Variants in MBD5 observed in about 807,000 individuals in gnomAD.
MBD5 encodes methyl-CpG-binding domain protein 5.
In MBD5, 13 loss-of-function variants were observed where a neutral mutation model predicts 117.3. The observed-to-expected ratio is 0.11, with a 90% CI of 0.07 to 0.18. MBD5 has a LOEUF of 0.18. MBD5 is among the 10% of genes least tolerant of loss of function. MBD5 has a pLI of 1.00. For missense variants in MBD5, 1,879 were observed against 2,093.8 expected (o/e 0.90, Z 2.00); for synonymous variants, 727 against 766.4 (o/e 0.95, Z 0.85).
At chr2:148,438,546 T>G (rs139002640) in intron 4 of MBD5, among the ~76,000 whole-genome samples, 4 of 152,324 alleles carry the variant, frequency 2.6e-5, no homozygotes, top group African/African-American at 9.6e-5. Flanking sequence ...AGGAAGGATA[T>G]TTGGCTTCTT....
intron 11 of MBD5, 178 bp from the exon 12 acceptor site, chr2:148,502,258 T>C: frequency 1.5e-6 from 1 of 649,208 alleles, no homozygotes; most frequent in Admixed American, 2.6e-5. Context: ...TGCTGCAGCC[T>C]GGAGCCACAG....
intron 1 of MBD5, among the ~76,000 whole-genome samples, chr2:148,063,899 C>CTA (rs1388959596): frequency 6.6e-6 from 1 of 151,940 alleles, no homozygotes; most frequent in Non-Finnish European, 1.5e-5. Flanking sequence ...AATCACGTGC[C>CTA]TATATTGAGT....
rs10174213 is a variant in MBD5 at position 148,097,123 on chromosome 2, G to A, written c.-925+75439G>A. Among the ~76,000 whole-genome samples, 1,508 of 152,142 alleles carry A rather than the reference G, an allele frequency of 9.9e-3. 28 individuals are homozygous for A. The highest frequency in any genetic ancestry group is 0.034 in the African/African-American group (1,430 of 41,500). ...TGATATTTATGATAAATTTATAACA[G>A]CAAAGGTATATGTTTATGTTAAGTG... is the stretch of plus-strand genomic sequence containing the variant. On this transcript the variant is annotated intron_variant, in intron 1 of 13. Transcript: ENST00000642680.
chr2:148,227,551 G>A (rs1699864345), intron 2 of MBD5, among the ~76,000 whole-genome samples: 1 of 152,176 alleles, frequency 6.6e-6, no homozygotes, highest in South Asian at 2.1e-4. Flanking sequence ...GTAGCATGAT[G>A]CCTCCAGCTT....
At chr2:148,089,932 A>G (rs1046281915) in intron 1 of MBD5, among the ~76,000 whole-genome samples, 2 of 152,142 alleles carry the variant, frequency 1.3e-5, no homozygotes, top group East Asian at 1.9e-4. Flanking sequence ...AACAAAATTG[A>G]TAGACCATTA....
At chr2:148,148,544 G>A (rs974641223) in intron 1 of MBD5, among the ~76,000 whole-genome samples, 3 of 152,164 alleles carry the variant, frequency 2.0e-5, no homozygotes, top group African/African-American at 2.4e-5. Flanking sequence ...TTACCTCAAA[G>A]TTTCTAATTC....
At chr2:148,059,363 A>T (rs1694963387) in intron 1 of MBD5, among the ~76,000 whole-genome samples, 1 of 152,184 alleles carries the variant, frequency 6.6e-6, no homozygotes, top group African/African-American at 2.4e-5. Context: ...TTGTACTGGT[A>T]ACCCGTAAAG....
chr2:148,318,157 G>T (rs553565020), intron 3 of MBD5, among the ~76,000 whole-genome samples: 2 of 152,258 alleles, frequency 1.3e-5, no homozygotes, highest in East Asian at 3.9e-4. Context: ...TCTGACTGGT[G>T]TAAGATGGCA....
chr2:148,454,913 A>T (rs932642806), intron 4 of MBD5, among the ~76,000 whole-genome samples: 3 of 152,156 alleles, frequency 2.0e-5, no homozygotes, highest in Non-Finnish European at 4.4e-5. Flanking sequence ...TGTTTGATAC[A>T]GATTGCATTG....
intron 1 of MBD5, among the ~76,000 whole-genome samples, chr2:148,059,483 T>C (rs1395915573): frequency 1.3e-5 from 2 of 152,224 alleles, no homozygotes; most frequent in Admixed American, 6.5e-5. Context: ...TATGTAAATA[T>C]ACTAGCATAA....
intron 1 of MBD5, among the ~76,000 whole-genome samples, chr2:148,022,775 T>C (rs955155817): frequency 2.0e-5 from 3 of 152,188 alleles, no homozygotes; most frequent in African/African-American, 4.8e-5. Context: ...CATGAACTTA[T>C]AGTTAGTATA....
At chr2:148,312,993 C>T (rs1702068712) in intron 3 of MBD5, among the ~76,000 whole-genome samples, 1 of 152,174 alleles carries the variant, frequency 6.6e-6, no homozygotes, top group Non-Finnish European at 1.5e-5. Context: ...TGCAGAACAG[C>T]AAAGATTGCT....
intron 2 of MBD5, among the ~76,000 whole-genome samples, chr2:148,228,126 G>C (rs1699884379): frequency 6.6e-6 from 1 of 152,122 alleles, no homozygotes; most frequent in Non-Finnish European, 1.5e-5. Context: ...TGATTGCCCT[G>C]ACCAGAACTT....
chr2:148,157,476 C>G (rs928431361), intron 1 of MBD5, among the ~76,000 whole-genome samples: 11 of 152,148 alleles, frequency 7.2e-5, no homozygotes, highest in African/African-American at 1.4e-4. Context: ...AAACTACCTT[C>G]TAGGCACTTC....
chr2:148,469,981 G>T lies in MBD5; in HGVS notation c.2038G>T (p.Val680Phe). 1 of 1,613,956 alleles carries T rather than the reference G, an allele frequency of 6.2e-7. No homozygotes were observed. Among genetic ancestry groups the T allele is most frequent in the Non-Finnish European group, 8.5e-7 (1 of 1,179,888 alleles). ...LRQSQMDSSA[V>F]PKPGPDLLRK... ...ACAGTCTCAAATGGATAGTTCTGCA[G>T]TTCCTAAACCTGGACCTGACTTGCT... is the stretch of plus-strand genomic sequence containing the variant. The change falls in exon 8 of 14, where the codon GTT (valine) becomes TTT (phenylalanine). Residue 680 changes from valine to phenylalanine, a missense_variant. Coordinates refer to ENST00000642680, the MANE Select transcript of MBD5 (RefSeq NM_001378120.1).
intron 4 of MBD5, among the ~76,000 whole-genome samples, chr2:148,383,653 A>C (rs918608863): frequency 3.2e-4 from 49 of 150,866 alleles, no homozygotes; most frequent in Non-Finnish European, 4.0e-4. Flanking sequence ...GACAAAACAA[A>C]AAAAAAAAGA....
chr2:148,112,132 C>T (rs771263985), intron 1 of MBD5, among the ~76,000 whole-genome samples: 8 of 152,172 alleles, frequency 5.3e-5, no homozygotes, highest in Middle Eastern at 3.4e-3. Flanking sequence ...ATTGCTTAAA[C>T]GAGATGAAAA....
intron 4 of MBD5, among the ~76,000 whole-genome samples, chr2:148,433,349 T>C (rs928298436): frequency 6.6e-6 from 1 of 152,206 alleles, no homozygotes; most frequent in African/African-American, 2.4e-5. Flanking sequence ...TATCTCTTTC[T>C]CTTTACTGAT....
At chr2:148,312,299 G>T (rs959054784) in intron 3 of MBD5, among the ~76,000 whole-genome samples, 1 of 152,122 alleles carries the variant, frequency 6.6e-6, no homozygotes, top group East Asian at 1.9e-4. Context: ...TCAAACGCAG[G>T]TTTGGTCTTT....
Sources: gnomAD v4.1 joint callset for allele counts (sites outside exome capture counted in the v4.1 genomes callset) on GRCh38, gnomAD v4.1.1 for gene constraint, MANE v1.5 for transcripts, NCBI Gene and HGNC (gene_info 2026-07-23, HGNC 2026-07-21) for gene names.